Variants in BMERB1 observed in about 807,000 individuals in gnomAD.
The protein encoded by BMERB1 is bMERB domain-containing protein 1.
A neutral mutation model predicts 23.6 loss-of-function variants in BMERB1; 12 were observed. The ratio of observed to expected loss-of-function variants is 0.51; its 90% CI spans 0.33 to 0.82. The LOEUF (loss-of-function observed/expected upper bound fraction) is 0.82, where lower values mean the gene tolerates loss of function less well. Among genes scored for constraint, BMERB1 ranks in the 40% least tolerant of loss-of-function variants. BMERB1 has a pLI of 0.03. For missense variants in BMERB1, 247 were observed against 255.4 expected, an observed-to-expected ratio of 0.97 and a Z score of 0.22; for synonymous variants, 122 against 96.6, an observed-to-expected ratio of 1.26 and a Z score of -1.54.
chr16:15,517,939 G>T (rs927934981), intron 2 of BMERB1, among the ~76,000 whole-genome samples: 15 of 150,638 alleles, frequency 1.0e-4, no homozygotes, highest in African/African-American at 3.7e-4. Flanking sequence ...GTGTGTGCAT[G>T]TGTGGGTGTG....
At chr16:15,485,516 G>A (rs971254988) in intron 1 of BMERB1, among the ~76,000 whole-genome samples, 11 of 152,022 alleles carry the variant, frequency 7.2e-5, no homozygotes, top group African/African-American at 2.4e-4. Flanking sequence ...CATTTGGATG[G>A]TCTCTGAACC....
chr16:15,527,338 C>G (rs1232652728), intron 2 of BMERB1, among the ~76,000 whole-genome samples: 2 of 152,230 alleles, frequency 1.3e-5, no homozygotes, highest in Non-Finnish European at 2.9e-5. Flanking sequence ...GGCGCTGTGG[C>G]TCACGCCTGT....
At chr16:15,518,392 G>A (rs2051801202) in intron 2 of BMERB1, among the ~76,000 whole-genome samples, 2 of 152,152 alleles carry the variant, frequency 1.3e-5, no homozygotes, top group Non-Finnish European at 2.9e-5. Context: ...TGGTGATGAC[G>A]CTCCCCAACC....
intron 2 of BMERB1, among the ~76,000 whole-genome samples, chr16:15,564,702 A>C (rs1420334284): frequency 6.6e-6 from 1 of 152,234 alleles, no homozygotes; most frequent in Non-Finnish European, 1.5e-5. Flanking sequence ...TTCCTTAACA[A>C]AATGTTGAAA....
intron 2 of BMERB1, among the ~76,000 whole-genome samples, chr16:15,535,375 C>T (rs1169278704): frequency 2.6e-5 from 4 of 151,980 alleles, no homozygotes; most frequent in South Asian, 2.1e-4. Context: ...GGGCCAGGTG[C>T]GGTGGCTCAC....
Position 15,579,886 on chromosome 16 carries a change from C to T in BMERB1, c.305-1331C>T, listed in dbSNP as rs1049552197. On this transcript the variant is annotated intron_variant, in intron 3 of 5. Coordinates refer to ENST00000300006, the MANE Select transcript of BMERB1 (RefSeq NM_033201.3). ...ATTTACTGAAGGCTCTCAGCCAAGG[C>T]CAAGCACTCCACTAAGCCATTTACT... Among the ~76,000 whole-genome samples, 4 of 152,274 alleles carry T rather than the reference C, an allele frequency of 2.6e-5. No homozygotes were observed. In the South Asian group the frequency reaches 6.2e-4, roughly 24 times the overall value.
At chr16:15,483,217 G>GGTTGCT (rs1238157102) in intron 1 of BMERB1, among the ~76,000 whole-genome samples, 1 of 152,068 alleles carries the variant, frequency 6.6e-6, no homozygotes, top group East Asian at 1.9e-4. Flanking sequence ...CTGTTATAAA[G>GGTTGCT]GTTGCTGTTG....
At chr16:15,530,336 C>T (rs1258918988) in intron 2 of BMERB1, among the ~76,000 whole-genome samples, 1 of 152,196 alleles carries the variant, frequency 6.6e-6, no homozygotes, top group Non-Finnish European at 1.5e-5. Flanking sequence ...ATTGAGGGCC[C>T]ACCTGGATAA....
chr16:15,444,463 C>T (rs1401814810), intron 1 of BMERB1, among the ~76,000 whole-genome samples: 2 of 152,058 alleles, frequency 1.3e-5, no homozygotes, highest in Non-Finnish European at 2.9e-5. Flanking sequence ...GGCCTAACTT[C>T]CCTAAGCCTC....
At chr16:15,442,534 A>C (rs901313036) in intron 1 of BMERB1, among the ~76,000 whole-genome samples, 1 of 152,078 alleles carries the variant, frequency 6.6e-6, no homozygotes, top group Non-Finnish European at 1.5e-5. Flanking sequence ...ATTATGTTTT[A>C]TTTTTGCAAG....
rs143329088 is a variant in BMERB1 at position 15,515,682 on chromosome 16, C to T, written c.230+254C>T. Among the ~76,000 whole-genome samples the T allele has an allele frequency of 7.9e-5, 12 of 152,210 alleles. No homozygotes were observed. In the East Asian group the frequency reaches 1.9e-3, roughly 24 times the overall value. On this transcript the variant is annotated intron_variant, in intron 2 of 5. Coordinates refer to ENST00000300006, the MANE Select transcript of BMERB1 (RefSeq NM_033201.3). ...ACCTTTGTTCTTTCTGTATCACCCA[C>T]GGGGAAGAAAGAGGGAAGGGAATGC...
intron 1 of BMERB1, among the ~76,000 whole-genome samples, chr16:15,456,286 A>T (rs1421603829): frequency 6.6e-6 from 1 of 151,892 alleles, no homozygotes; most frequent in Non-Finnish European, 1.5e-5. Flanking sequence ...TTTTATTCAA[A>T]CTATATATCA....
chr16:15,562,990 G>T (rs543197243), intron 2 of BMERB1, among the ~76,000 whole-genome samples: 11 of 152,352 alleles, frequency 7.2e-5, no homozygotes, highest in African/African-American at 2.4e-4. Flanking sequence ...AGCATGAGTT[G>T]TTCTTGAGTG....
At chr16:15,486,661 G>A (rs1011298968) in intron 1 of BMERB1, among the ~76,000 whole-genome samples, 10 of 152,178 alleles carry the variant, frequency 6.6e-5, no homozygotes, top group Non-Finnish European at 1.3e-4. Flanking sequence ...AAAAAAAGGT[G>A]TATGTTACAC....
Position 15,498,191 on chromosome 16 carries a change from T to A in BMERB1, c.107-17114T>A, listed in dbSNP as rs76725918. ...CCCAGGTAGATGGATTTTTTTTTTT[T>A]AATCACACCTAGGTAAGTCTCATAC... On this transcript the variant is annotated intron_variant, in intron 1 of 5. Coordinates refer to ENST00000300006, the MANE Select transcript of BMERB1 (RefSeq NM_033201.3). Among the ~76,000 whole-genome samples the A allele has an allele frequency of 1.2e-4, 19 of 152,054 alleles. No individual in the cohort carries two copies. The East Asian group carries it at 1.9e-3, about 15-fold the overall frequency.
intron 1 of BMERB1, among the ~76,000 whole-genome samples, chr16:15,436,349 C>T (rs2050888220): frequency 1.3e-5 from 2 of 150,522 alleles, no homozygotes; most frequent in African/African-American, 2.4e-5. Flanking sequence ...ACCTCCACTT[C>T]CTGGGTTCAA....
In BMERB1 at chr16:15,536,022, C is replaced by T. The variant is rs1204346691; in HGVS notation, c.230+20594C>T. Among the ~76,000 whole-genome samples, 8 of 152,090 alleles carry T rather than the reference C, an allele frequency of 5.3e-5. No homozygotes were observed. The South Asian group carries it at 6.2e-4, about 12-fold the overall frequency. On this transcript the variant is annotated intron_variant, in intron 2 of 5. Transcript: ENST00000300006. ...ATCCAATCACTTCCCTCCCTCGACA[C>T]GTGGGGATTACAATTTGCAGTGAGA... is the stretch of plus-strand genomic sequence containing the variant.
At chr16:15,476,103 C>T (rs966061743) in intron 1 of BMERB1, among the ~76,000 whole-genome samples, 1 of 152,014 alleles carries the variant, frequency 6.6e-6, no homozygotes, top group Non-Finnish European at 1.5e-5. Flanking sequence ...GAGATGACCT[C>T]CCAGGAGCTG....
At chr16:15,441,226 T>A (rs1380676027) in intron 1 of BMERB1, among the ~76,000 whole-genome samples, 2 of 152,018 alleles carry the variant, frequency 1.3e-5, no homozygotes, top group Non-Finnish European at 2.9e-5. Flanking sequence ...TTTTTTGAGG[T>A]TTTTTGTTTT....
Sources: gnomAD v4.1 joint callset for allele counts (sites outside exome capture counted in the v4.1 genomes callset) on GRCh38, gnomAD v4.1.1 for gene constraint, MANE v1.5 for transcripts, NCBI Gene and HGNC (gene_info 2026-07-23, HGNC 2026-07-21) for gene names.